Variants in SLC24A2 observed in about 807,000 individuals in gnomAD.
The protein encoded by SLC24A2 is sodium/potassium/calcium exchanger 2.
A neutral mutation model predicts 62.0 loss-of-function variants in SLC24A2; 36 were observed. That is an observed-to-expected ratio of 0.58 (90% CI 0.44 to 0.77). SLC24A2 has a LOEUF of 0.77. SLC24A2 is among the 30% of genes least tolerant of loss of function. SLC24A2 has a pLI of 0.00. For missense variants in SLC24A2, 846 were observed against 817.9 expected, an observed-to-expected ratio of 1.03 and a Z score of -0.42; for synonymous variants, 358 against 294.0, an observed-to-expected ratio of 1.22 and a Z score of -2.23.
the SLC24A2 span, among the ~76,000 whole-genome samples, chr9:20,054,849 G>A: frequency 0.073 from 11,067 of 152,182 alleles, 610 homozygotes; most frequent in African/African-American, 0.16. Flanking sequence ...ACAACAGTCA[G>A]CCACTCTGAT....
chr9:19,701,058 C>T (rs1229867988), intron 2 of SLC24A2, among the ~76,000 whole-genome samples: 1 of 152,184 alleles, frequency 6.6e-6, no homozygotes, highest in Non-Finnish European at 1.5e-5. Context: ...TCCTAATTTA[C>T]TATTTGAAAT....
At chr9:20,176,216 G>A in the SLC24A2 span, among the ~76,000 whole-genome samples, 1 of 152,000 alleles carries the variant, frequency 6.6e-6, no homozygotes, top group Non-Finnish European at 1.5e-5. Context: ...GCTTAAAAAT[G>A]AAATAGTGAG....
chr9:20,101,036 C>T, the SLC24A2 span, among the ~76,000 whole-genome samples: 3 of 152,236 alleles, frequency 2.0e-5, no homozygotes, highest in African/African-American at 7.2e-5. Flanking sequence ...TTTGCGGAAA[C>T]CCTGCCTTCA....
chr9:19,748,693 TGTTTGTTG>T (rs1429473940), intron 2 of SLC24A2, among the ~76,000 whole-genome samples: 2 of 151,952 alleles, frequency 1.3e-5, no homozygotes, highest in Admixed American at 6.6e-5. Context: ...TTTGTTTGTT[TGTTTGTTG>T]GTTGGTTGGT....
the SLC24A2 span, among the ~76,000 whole-genome samples, chr9:20,219,633 A>T: frequency 2.6e-5 from 4 of 152,184 alleles, no homozygotes; most frequent in Non-Finnish European, 5.9e-5. Flanking sequence ...TTCCTCAGGA[A>T]GATCAATGAC....
At chr9:19,912,199 A>G in the SLC24A2 span, among the ~76,000 whole-genome samples, 7 of 152,036 alleles carry the variant, frequency 4.6e-5, no homozygotes, top group Admixed American at 2.0e-4. Context: ...ACAAACACAG[A>G]TACAAATGTC....
At chr9:20,027,565 T>C in the SLC24A2 span, among the ~76,000 whole-genome samples, 1 of 152,152 alleles carries the variant, frequency 6.6e-6, no homozygotes, top group East Asian at 1.9e-4. Context: ...AGATAAATAC[T>C]GCATGATCTT....
the SLC24A2 span, among the ~76,000 whole-genome samples, chr9:20,085,394 A>T: frequency 3.9e-5 from 6 of 152,198 alleles, no homozygotes; most frequent in Non-Finnish European, 7.3e-5. Flanking sequence ...ACATTCTAAT[A>T]TGAAGGATAA....
chr9:20,293,909 A>T, the SLC24A2 span, among the ~76,000 whole-genome samples: 1 of 152,116 alleles, frequency 6.6e-6, no homozygotes, highest in African/African-American at 2.4e-5. Context: ...CCAAGTCCTC[A>T]GGCTCCACAC....
chr9:20,181,115 C>A, the SLC24A2 span, among the ~76,000 whole-genome samples: 18 of 152,102 alleles, frequency 1.2e-4, no homozygotes, highest in African/African-American at 4.1e-4. Flanking sequence ...CAAATTGGAG[C>A]CCAGATTGTT....
chr9:19,535,649 G>T (rs1481559181), intron 8 of SLC24A2, among the ~76,000 whole-genome samples: 1 of 152,156 alleles, frequency 6.6e-6, no homozygotes, highest in Non-Finnish European at 1.5e-5. Flanking sequence ...GTTTGTCAAA[G>T]ATTAGATGAT....
chr9:20,118,820 G>A, the SLC24A2 span, among the ~76,000 whole-genome samples: 3,411 of 152,200 alleles, frequency 0.022, 139 homozygotes, highest in African/African-American at 0.078. Context: ...GCCTCCTTGT[G>A]TTCATGCCCT....
At chr9:20,144,726 G>C in the SLC24A2 span, among the ~76,000 whole-genome samples, 1 of 152,070 alleles carries the variant, frequency 6.6e-6, no homozygotes, top group African/African-American at 2.4e-5. Flanking sequence ...ATTCAATCTT[G>C]CATGCTTGGA....
At position 19,521,037 on chromosome 9, in the gene SLC24A2, A is replaced by C. The variant is rs1833172983; in HGVS notation, c.1593T>G (p.Ser531Arg). 1 of 1,613,966 alleles carries C rather than the reference A, an allele frequency of 6.2e-7. No individual in the cohort carries two copies. The change falls in exon 10 of 11, where the codon AGT becomes AGG. Residue 531 changes from serine (S) to arginine (R), a missense_variant. By Grantham distance (110) the Ser-to-Arg change is moderately radical. Coordinates refer to ENST00000341998, the MANE Select transcript of SLC24A2 (RefSeq NM_020344.4). Reference protein sequence around the residue: ...AHQVGETIGISEEIMGLTILA... With the variant: ...AHQVGETIGIREEIMGLTILA... The stretch of plus-strand genomic sequence containing the variant: ...AGATGGTCAGGCCCATAATCTCTTC[A>C]CTGATGCCAATTGTCTCTCCAACCT...
the SLC24A2 span, among the ~76,000 whole-genome samples, chr9:20,023,259 T>C: frequency 6.6e-6 from 1 of 152,238 alleles, no homozygotes; most frequent in African/African-American, 2.4e-5. Flanking sequence ...TACAACAGAA[T>C]GTAGTTAATA....
intron 7 of SLC24A2, among the ~76,000 whole-genome samples, chr9:19,568,613 G>A (rs1835746791): frequency 6.6e-6 from 1 of 152,216 alleles, no homozygotes; most frequent in African/African-American, 2.4e-5. Context: ...TGGATAACAG[G>A]TTAAGTCACT....
chr9:19,745,901 T>C (rs1821817815), intron 2 of SLC24A2, among the ~76,000 whole-genome samples: 1 of 152,136 alleles, frequency 6.6e-6, no homozygotes, highest in African/African-American at 2.4e-5. Flanking sequence ...AGTGTCAGAG[T>C]TAATATCAAT....
the SLC24A2 span, among the ~76,000 whole-genome samples, chr9:20,303,116 ATCTG>A: frequency 6.7e-6 from 1 of 149,280 alleles, no homozygotes; most frequent in East Asian, 1.9e-4. Flanking sequence ...ACATAGATAT[ATCTG>A]TATTTTTTTT....
chr9:20,106,105 G>T, the SLC24A2 span, among the ~76,000 whole-genome samples: 4 of 152,146 alleles, frequency 2.6e-5, no homozygotes, highest in Non-Finnish European at 5.9e-5. Context: ...TAGAAGAAAT[G>T]GATAAATTCC....
Sources: allele counts gnomAD v4.1 joint callset (sites outside exome capture counted in the v4.1 genomes callset), GRCh38; gene constraint gnomAD v4.1.1; transcripts MANE v1.5; gene names NCBI Gene and HGNC (gene_info 2026-07-23, HGNC 2026-07-21).